MYO1D: variants seen among roughly 807,000 people sequenced by gnomAD.
MYO1D encodes the protein myosin ID.
A neutral mutation model predicts 122.0 loss-of-function variants in MYO1D; 83 were observed. That is an observed-to-expected ratio of 0.68 (90% CI 0.57 to 0.82). The LOEUF is 0.82. MYO1D is among the 40% of genes least tolerant of loss of function. The pLI is 0.00. For synonymous variants in MYO1D, 464 were observed against 446.9 expected, an observed-to-expected ratio of 1.04 and a Z score of -0.48; for missense variants, 1,157 against 1,269.5, an observed-to-expected ratio of 0.91 and a Z score of 1.35.
chr17:32,585,463 C>T (rs541720620), intron 21 of MYO1D, among the ~76,000 whole-genome samples: 45 of 152,284 alleles, frequency 3.0e-4, no homozygotes, highest in Admixed American at 7.2e-4. Context: ...GGCACAGTGG[C>T]TCATGCCTGT....
At chr17:32,824,476 T>C (rs2090703961) in intron 1 of MYO1D, among the ~76,000 whole-genome samples, 1 of 152,230 alleles carries the variant, frequency 6.6e-6, no homozygotes, top group African/African-American at 2.4e-5. Context: ...AACTAACAGC[T>C]TACTGTTTGT....
intron 21 of MYO1D, among the ~76,000 whole-genome samples, chr17:32,523,628 G>C (rs1157495093): frequency 6.6e-6 from 1 of 151,900 alleles, no homozygotes; most frequent in Non-Finnish European, 1.5e-5. Context: ...GGGCAACATG[G>C]AGAAACCCTA....
chr17:32,830,489 C>T (rs924243936), intron 1 of MYO1D, among the ~76,000 whole-genome samples: 3 of 152,032 alleles, frequency 2.0e-5, no homozygotes, highest in African/African-American at 4.8e-5. Context: ...TACAGCAGAA[C>T]ATGAAGCTAA....
At chr17:32,578,278 G>A (rs180753042) in intron 21 of MYO1D, among the ~76,000 whole-genome samples, 2 of 152,354 alleles carry the variant, frequency 1.3e-5, no homozygotes, top group East Asian at 3.9e-4. Flanking sequence ...GGGTCACATA[G>A]GTAATGGGCC....
intron 16 of MYO1D, among the ~76,000 whole-genome samples, chr17:32,699,678 C>G (rs916293277): frequency 6.6e-6 from 1 of 152,120 alleles, no homozygotes; most frequent in South Asian, 2.1e-4. Context: ...TTAAAAACTT[C>G]AACCAAACCA....
At chr17:32,783,026 G>A (rs567153711) in intron 1 of MYO1D, among the ~76,000 whole-genome samples, 6 of 151,994 alleles carry the variant, frequency 3.9e-5, no homozygotes, top group South Asian at 2.1e-4. Flanking sequence ...AAAGACTCGC[G>A]AAAATAAGCT....
chr17:32,677,904 T>G (rs1237247711), intron 16 of MYO1D, among the ~76,000 whole-genome samples: 4 of 152,154 alleles, frequency 2.6e-5, no homozygotes, highest in Non-Finnish European at 5.9e-5. Context: ...CTCAACTGGC[T>G]TATGATCAAT....
At chr17:32,809,422 G>C (rs2090549561) in intron 1 of MYO1D, among the ~76,000 whole-genome samples, 1 of 148,674 alleles carries the variant, frequency 6.7e-6, no homozygotes, top group Non-Finnish European at 1.5e-5. Flanking sequence ...CACTGTATCT[G>C]GCCTAGGCCT....
Position 32,826,193 on chromosome 17 carries a change from TG to T in MYO1D, c.96-45410del, listed in dbSNP as rs576548413. 4.2e-3 allele frequency among the ~76,000 whole-genome samples: 635 copies of T among 152,270 alleles called. 3 individuals carry two copies. Among genetic ancestry groups the T allele is most frequent in the Non-Finnish European group, 5.3e-3 (363 of 68,020 alleles). On this transcript the variant is annotated intron_variant, in intron 1 of 21. Coordinates refer to ENST00000318217, the MANE Select transcript of MYO1D (RefSeq NM_015194.3). ...CTTCCTCTCCAACTATTGGTTAGTT[TG>T]CCCCATCTCATTTACTCTCAAAGCA...
At chr17:32,823,184 T>G (rs2090690044) in intron 1 of MYO1D, among the ~76,000 whole-genome samples, 1 of 152,112 alleles carries the variant, frequency 6.6e-6, no homozygotes, top group African/African-American at 2.4e-5. Context: ...CTCGTTTTCT[T>G]TCTGTCTAGA....
intron 20 of MYO1D, among the ~76,000 whole-genome samples, chr17:32,635,023 T>C (rs940845408): frequency 6.6e-5 from 10 of 152,184 alleles, no homozygotes; most frequent in Non-Finnish European, 1.3e-4. Flanking sequence ...GGAAAGACTA[T>C]GCATAGATTT....
chr17:32,502,044 C>G (rs115743009), intron 21 of MYO1D, among the ~76,000 whole-genome samples: 1 of 152,088 alleles, frequency 6.6e-6, no homozygotes, highest in Non-Finnish European at 1.5e-5. Flanking sequence ...AGGTGTGTGG[C>G]GAAAACCTCC....
At chr17:32,816,219 G>GTT (rs2090612137) in intron 1 of MYO1D, among the ~76,000 whole-genome samples, 1 of 152,154 alleles carries the variant, frequency 6.6e-6, no homozygotes, top group Admixed American at 6.5e-5. Flanking sequence ...GAGGAACACA[G>GTT]TTTTAAAAAA....
At chr17:32,858,222 C>T (rs2091042915) in intron 1 of MYO1D, among the ~76,000 whole-genome samples, 1 of 152,182 alleles carries the variant, frequency 6.6e-6, no homozygotes, top group Non-Finnish European at 1.5e-5. Context: ...TCATTACCTT[C>T]TTTGGGAACC....
intron 21 of MYO1D, among the ~76,000 whole-genome samples, chr17:32,542,613 T>TAAAAAAAAAAAAAAAAAAAAAAAAAAA (rs67238143): frequency 1.6e-5 from 2 of 124,882 alleles, no homozygotes; most frequent in Non-Finnish European, 1.7e-5. Flanking sequence ...GAGGTAACGC[T>TAAAAAAAAAAAAAAAAAAAAAAAAAAA]AAAAAAAAAA....
At chr17:32,529,241 G>C (rs774932306) in intron 21 of MYO1D, among the ~76,000 whole-genome samples, 6 of 152,184 alleles carry the variant, frequency 3.9e-5, no homozygotes, top group Non-Finnish European at 7.3e-5. Context: ...AATTGAGCAG[G>C]AGGATCATGA....
At chr17:32,690,906 C>A (rs1477675929) in intron 16 of MYO1D, among the ~76,000 whole-genome samples, 5 of 152,102 alleles carry the variant, frequency 3.3e-5, no homozygotes, top group Admixed American at 3.3e-4. Flanking sequence ...CCTTTAAAGT[C>A]CTCTTTTCTA....
At position 32,738,881 on chromosome 17, in the gene MYO1D, A is replaced by G. The variant is rs532351542; in HGVS notation, c.1614-496T>C. Among the ~76,000 whole-genome samples the G allele has an allele frequency of 1.4e-4, 21 of 152,324 alleles. No individual in the cohort carries two copies. In the East Asian group the frequency reaches 4.0e-3, roughly 29 times the overall value. ...CTGCTCTTTAAAAAAAAACACAGGT[A>G]GGAATATAAAATAACCATTTTTATA... On this transcript the variant is annotated intron_variant, in intron 13 of 21. Transcript: ENST00000318217.
chr17:32,531,721 T>C (rs191821485), intron 21 of MYO1D, among the ~76,000 whole-genome samples: 2 of 151,598 alleles, frequency 1.3e-5, no homozygotes, highest in East Asian at 1.9e-4. Context: ...TAATGATGGA[T>C]AGCGGAGAAG....
Sources: allele counts gnomAD v4.1 joint callset (sites outside exome capture counted in the v4.1 genomes callset), GRCh38; gene constraint gnomAD v4.1.1; transcripts MANE v1.5; gene names NCBI Gene and HGNC (gene_info 2026-07-23, HGNC 2026-07-21).